Variants in CACNG6 observed in about 807,000 individuals in gnomAD.
CACNG6 encodes the protein calcium voltage-gated channel auxiliary subunit gamma 6.
In CACNG6, 21 loss-of-function variants were observed where a neutral mutation model predicts 23.9. That is an observed-to-expected ratio of 0.88 (90% confidence interval 0.62 to 1.26). The LOEUF is 1.26. Among genes scored for constraint, CACNG6 ranks in the 50% most tolerant of loss-of-function variants. The probability of loss-of-function intolerance (pLI) is 0.00; values close to 1 mark genes in which losing one functional copy is unlikely to be tolerated. For synonymous variants in CACNG6, 182 were observed against 168.9 expected (o/e 1.08, Z -0.60); for missense variants, 340 against 352.9 (o/e 0.96, Z 0.29).
At chr19:54,007,287 C>T (rs1055766843) in intron 3 of CACNG6, among the ~76,000 whole-genome samples, 2 of 152,164 alleles carry the variant, frequency 1.3e-5, no homozygotes, top group South Asian at 2.1e-4. Flanking sequence ...GCGATCCGCT[C>T]GCCTTGGCCT....
chr19:54,010,007 A>T (rs1163972740), intron 3 of CACNG6, among the ~76,000 whole-genome samples: 2 of 150,160 alleles, frequency 1.3e-5, no homozygotes, highest in Non-Finnish European at 3.0e-5. Flanking sequence ...TCACTCTTTT[A>T]AAAAACTTGC....
At chr19:53,999,876 G>A (rs1369460399) in intron 3 of CACNG6, 105 bp downstream of exon 3, 34 of 1,393,958 alleles carry the variant, frequency 2.4e-5, no homozygotes, top group Non-Finnish European at 3.2e-5. Context: ...TGCACGCTCA[G>A]AGATGGAATC....
chr19:54,000,615 G>T (rs1334582795), intron 3 of CACNG6, among the ~76,000 whole-genome samples: 2 of 152,102 alleles, frequency 1.3e-5, no homozygotes, highest in Non-Finnish European at 2.9e-5. Context: ...GTCTCCCTTT[G>T]TCTCCCAGGC....
At chr19:53,997,553 G>A (rs1163578211) in intron 1 of CACNG6, among the ~76,000 whole-genome samples, 1 of 152,072 alleles carries the variant, frequency 6.6e-6, no homozygotes, top group Admixed American at 6.6e-5. Flanking sequence ...CATACACGGT[G>A]TTTCCTCTTA....
rs529723956 is a variant in CACNG6, at chr19:54,005,818, C to T, written c.544+6047C>T. ...AAAATAAAATAAAATAAACCAGGCG[C>T]GGTGGCTCACTCCTGTTATCCCATA... On this transcript the variant is annotated intron_variant, in intron 3 of 3. Transcript: ENST00000252729. Among the ~76,000 whole-genome samples the T allele has an allele frequency of 6.4e-4, 95 of 147,300 alleles. 2 individuals carry two copies. The highest frequency in any genetic ancestry group is 1.1e-3 in the South Asian group (5 of 4,632).
At chr19:53,993,796 C>T (rs2069493612) in intron 1 of CACNG6, among the ~76,000 whole-genome samples, 1 of 151,722 alleles carries the variant, frequency 6.6e-6, no homozygotes, top group Admixed American at 6.6e-5. Flanking sequence ...TGCACCTCCA[C>T]ACCAGGCTAT....
intron 3 of CACNG6, among the ~76,000 whole-genome samples, chr19:54,006,168 T>A (rs1324906165): frequency 6.6e-6 from 1 of 151,958 alleles, no homozygotes; most frequent in African/African-American, 2.4e-5. Flanking sequence ...TTTACCTGCT[T>A]TATTTTTCTT....
At chr19:53,996,298 T>C (rs1015627460) in intron 1 of CACNG6, among the ~76,000 whole-genome samples, 3 of 152,244 alleles carry the variant, frequency 2.0e-5, no homozygotes, top group South Asian at 2.1e-4. Context: ...GGGTCTAAAA[T>C]GCACTTCAGA....
chr19:53,995,861 C>T (rs1045238054), intron 1 of CACNG6, among the ~76,000 whole-genome samples: 1 of 152,144 alleles, frequency 6.6e-6, no homozygotes, highest in African/African-American at 2.4e-5. Context: ...GGGGTTTCAC[C>T]ATGTTGACGA....
rs1211537019 is a variant in CACNG6, at chr19:53,991,926, G to A, written c.-952G>A. Among the ~76,000 whole-genome samples the A allele has an allele frequency of 2.0e-5, 3 of 152,078 alleles. No individual in the cohort carries two copies. The highest frequency in any genetic ancestry group is 4.8e-5 in the African/African-American group (2 of 41,400). ...CTCAGTCCTGGTTTTCCGAGCCGCA[G>A]TGCGGACCACAGCCCCATAGTGTGA... On this transcript the variant is annotated 5_prime_UTR_variant, in exon 1 of 4. In the 5' UTR this introduces an upstream ATG that the reference lacks. Transcript: ENST00000252729.
intron 1 of CACNG6, among the ~76,000 whole-genome samples, chr19:53,997,217 T>A (rs2069529364): frequency 1.3e-5 from 2 of 152,128 alleles, no homozygotes; most frequent in Admixed American, 6.6e-5. Flanking sequence ...ATTATCATTA[T>A]TGTTTTGATC....
At position 53,992,891 on chromosome 19, in the gene CACNG6, ACTT is replaced by A. The variant is rs2069476614; in HGVS notation, c.19_21del (p.Phe7del). ...ACCGGCCATAAGATGATGTGGTCCA[ACTT>A]CTTCCTGCAAGAGGAGAACCGGCGG... On this transcript the variant is annotated inframe_deletion, in exon 1 of 4. Transcript: ENST00000252729. The surrounding 1 kb of genome is among the most constrained non-coding windows in gnomAD (Gnocchi z 4.1). The A allele has an allele frequency of 7.1e-7, 1 of 1,405,184 alleles. No homozygotes were observed. Among genetic ancestry groups the A allele is most frequent in the Non-Finnish European group, 9.2e-7 (1 of 1,081,736 alleles). 87.0% of individuals were successfully genotyped at this position (1,405,184 alleles called of 1,614,324 possible). A position where few individuals can be genotyped will look rare whatever the true frequency, so the allele number is the denominator to read the frequency against.
At chr19:53,996,097 G>T (rs1266678429) in intron 1 of CACNG6, among the ~76,000 whole-genome samples, 2 of 152,306 alleles carry the variant, frequency 1.3e-5, no homozygotes, top group South Asian at 2.1e-4. Context: ...CTCAGGGATT[G>T]ATTTCTTGTC....
At position 53,991,988 on chromosome 19, in the gene CACNG6, C is replaced by T. The variant is rs1440264143; in HGVS notation, c.-890C>T. 6.6e-6 allele frequency among the ~76,000 whole-genome samples: 1 copy of T among 151,740 alleles called. No homozygotes were observed. The highest frequency in any genetic ancestry group is 1.5e-5 in the Non-Finnish European group (1 of 68,000). On this transcript the variant is annotated 5_prime_UTR_variant, in exon 1 of 4. Transcript: ENST00000252729. ...GCCCCCGGTCCCATCTGCCCCAGCC[C>T]TCGGGGAGGCCCCGTAGCCTCCCGC...
At chr19:54,005,301 C>A (rs1354922693) in intron 3 of CACNG6, among the ~76,000 whole-genome samples, 3 of 151,166 alleles carry the variant, frequency 2.0e-5, no homozygotes, top group African/African-American at 7.3e-5. Flanking sequence ...TGGCTCACGC[C>A]TGCAATCCCA....
At chr19:53,994,086 A>G (rs1463696469) in intron 1 of CACNG6, among the ~76,000 whole-genome samples, 1 of 152,014 alleles carries the variant, frequency 6.6e-6, no homozygotes, top group Non-Finnish European at 1.5e-5. Context: ...GCCTGTGCCC[A>G]TGGAGAGACA....
intron 3 of CACNG6, among the ~76,000 whole-genome samples, chr19:54,006,090 A>AT (rs2069640603): frequency 7.0e-6 from 1 of 143,022 alleles, no homozygotes; most frequent in South Asian, 2.2e-4. Context: ...ACTCTGTTTC[A>AT]AAAATAAATA....
chr19:54,003,546 A>G (rs999517847), intron 3 of CACNG6, among the ~76,000 whole-genome samples: 1 of 151,932 alleles, frequency 6.6e-6, no homozygotes, highest in Non-Finnish European at 1.5e-5. Context: ...TTTTTAATAG[A>G]GACTGGGTTT....
intron 2 of CACNG6, among the ~76,000 whole-genome samples, chr19:53,998,790 C>T (rs943348358): frequency 3.3e-5 from 5 of 151,498 alleles, no homozygotes; most frequent in African/African-American, 1.2e-4. Context: ...GGATGACAGG[C>T]GTGAGCCACT....
Sources: gnomAD v4.1 joint callset for allele counts (sites outside exome capture counted in the v4.1 genomes callset) on GRCh38, gnomAD v4.1.1 for gene constraint, Gnocchi (gnomAD v3.1) non-coding constraint, MANE v1.5 for transcripts, NCBI Gene and HGNC (gene_info 2026-07-23, HGNC 2026-07-21) for gene names.